The following ZNF528 variants were observed in gnomAD, a reference collection of about 807,000 sequenced individuals.
ZNF528 encodes zinc finger protein 528.
Under a neutral mutation model 13.3 loss-of-function variants are expected in ZNF528, and 9 were observed. The observed-to-expected ratio is 0.67, with a 90% CI of 0.41 to 1.18. The LOEUF (loss-of-function observed/expected upper bound fraction) is 1.18, where lower values mean the gene tolerates loss of function less well. Ranked by LOEUF, ZNF528 falls within the 50% of genes most tolerant of loss-of-function variation. The pLI is 0.01. For synonymous variants in ZNF528, 264 were observed against 254.3 expected, an observed-to-expected ratio of 1.04 and a Z score of -0.36; for missense variants, 858 against 745.4, an observed-to-expected ratio of 1.15 and a Z score of -1.76.
At chr19:52,408,817 T>G (rs753751280) in intron 6 of ZNF528, among the ~76,000 whole-genome samples, 1 of 152,184 alleles carries the variant, frequency 6.6e-6, no homozygotes, top group Non-Finnish European at 1.5e-5. Context: ...TCCACCCACC[T>G]CAGCCTCCCA....
chr19:52,415,320 A>C lies in ZNF528; in HGVS notation c.468A>C (p.Lys156Asn). The C allele has an allele frequency of 6.2e-7, 1 of 1,612,464 alleles. No individual in the cohort carries two copies. The highest frequency in any genetic ancestry group is 8.5e-7 in the Non-Finnish European group (1 of 1,179,574). Residue 156 changes from lysine (K) to asparagine (N), a missense_variant, in exon 7 of 7, where the codon AAA becomes AAC. By Grantham distance (94) the Lys-to-Asn change is moderately conservative. Coordinates refer to ENST00000360465, the MANE Select transcript of ZNF528 (RefSeq NM_032423.3). ...TTGAAAAAATTTCTTCCAGTGTCAA[A>C]TCCCACCTTTTAAATAAATATAGAA... ...SPLEKISSSV[K>N]SHLLNKYRNN...
In ZNF528 at chr19:52,415,038, A is replaced by G. The variant is rs780729844; in HGVS notation, c.272-86A>G. ...TGATACTCCTACCAATGTCTGAGTC[A>G]GGTGAGGCAGAATCTAGACCCTCTG... On this transcript the variant is annotated intron_variant, in intron 6 of 6. Coordinates refer to ENST00000360465, the MANE Select transcript of ZNF528 (RefSeq NM_032423.3). 6 of 1,592,794 alleles carry G rather than the reference A, an allele frequency of 3.8e-6. No homozygotes were observed. In the Admixed American group the frequency reaches 7.0e-5, roughly 19 times the overall value.
Position 52,416,764 on chromosome 19 carries a change from A to T in ZNF528, c.*25A>T. 6.4e-7 allele frequency: 1 copy of T among 1,560,360 alleles called. No homozygotes were observed. The highest frequency in any genetic ancestry group is 1.2e-5 in the South Asian group (1 of 83,676). ...AGAGTCCCTACAAACTGTATGGCAA[A>T]ACCATCATCATGAGTTCTAGCATTA... On this transcript the variant is annotated 3_prime_UTR_variant, in exon 7 of 7. Transcript: ENST00000360465.
At position 52,401,585 on chromosome 19, in the gene ZNF528, C is replaced by T. The variant is rs377291820; in HGVS notation, c.-136-100C>T. The T allele has an allele frequency of 9.1e-5, 92 of 1,011,226 alleles. No individual in the cohort carries two copies. The East Asian group carries it at 2.7e-3, about 30-fold the overall frequency. 62.6% of individuals were successfully genotyped at this position (1,011,226 alleles called of 1,614,324 possible). A position where few individuals can be genotyped will look rare whatever the true frequency, so the allele number is the denominator to read the frequency against. Reference sequence around the variant, plus strand: ...ACAGCCCCCTTTCCTTTTCTGAGAGCGTTTTGTATTTTTAAAATAAGTGCT... The same window carrying T: ...ACAGCCCCCTTTCCTTTTCTGAGAGTGTTTTGTATTTTTAAAATAAGTGCT... On this transcript the variant is annotated intron_variant, in intron 2 of 6. Transcript: ENST00000360465.
intron 6 of ZNF528, chr19:52,414,730 T>A (rs111409286): frequency 3.1e-5 from 12 of 385,148 alleles, no homozygotes; most frequent in African/African-American, 2.3e-4. Flanking sequence ...TTCAGCTTCC[T>A]ACATGTGGGA....
rs377378031 is a variant in ZNF528 at position 52,415,441 on chromosome 19, G to A, written c.589G>A (p.Ala197Thr). Residue 197 changes from alanine (A) to threonine (T), a missense_variant, in exon 7 of 7, where the codon GCA becomes ACA. Ala to Thr is a moderately conservative substitution (Grantham distance 58). Transcript: ENST00000360465. ...KCNEHGQVFR[A>T]SASLTNQVIH... ...TAATGAGCACGGCCAAGTCTTTAGA[G>A]CATCTGCAAGCCTTACTAACCAAGT... is the stretch of plus-strand genomic sequence containing the variant. The A allele has an allele frequency of 9.7e-5, 156 of 1,614,060 alleles. No individual in the cohort carries two copies. Among genetic ancestry groups the A allele is most frequent in the Non-Finnish European group, 1.3e-4 (151 of 1,180,046 alleles).
At chr19:52,405,079 T>C (rs759999119) in intron 4 of ZNF528, among the ~76,000 whole-genome samples, 1 of 151,808 alleles carries the variant, frequency 6.6e-6, no homozygotes, top group African/African-American at 2.4e-5. Flanking sequence ...TAGCTGGTCG[T>C]GGTGGCAGGC....
intron 4 of ZNF528, among the ~76,000 whole-genome samples, chr19:52,403,433 C>T (rs1054689871): frequency 6.6e-6 from 1 of 151,948 alleles, no homozygotes; most frequent in African/African-American, 2.4e-5. Context: ...TGGGCCAAGG[C>T]GGGCAGATGA....
chr19:52,414,790 C>A, intron 6 of ZNF528: 1 of 466,514 alleles, frequency 2.1e-6, no homozygotes, highest in Non-Finnish European at 3.8e-6. Context: ...GTGGAAGTAC[C>A]ATTATTAATG....
intron 4 of ZNF528, chr19:52,402,345 C>T (rs542416451): frequency 3.1e-5 from 15 of 482,226 alleles, no homozygotes; most frequent in African/African-American, 2.3e-4. Flanking sequence ...TCTGGATGCA[C>T]TGTCAGTGTT....
In ZNF528 at chr19:52,416,122, C is replaced by T. The variant is rs1386696283; in HGVS notation, c.1270C>T (p.Leu424Phe). The change falls in exon 7 of 7, where the codon CTT becomes TTT. Residue 424 changes from leucine to phenylalanine, a missense_variant. By Grantham distance (22) the Leu-to-Phe change is conservative. Coordinates refer to ENST00000360465, the MANE Select transcript of ZNF528 (RefSeq NM_032423.3). ...CAAGATCTTTAGTCAGAAATCAGACCTTATACGACATCGAAAAACTCATAC... is the reference window on the plus strand; with the variant it reads ...CAAGATCTTTAGTCAGAAATCAGACTTTATACGACATCGAAAAACTCATAC... ...CGKIFSQKSD[L>F]IRHRKTHTDE... 2 of 1,613,864 alleles carry T rather than the reference C, an allele frequency of 1.2e-6. No homozygotes were observed. The highest frequency in any genetic ancestry group is 1.1e-5 in the South Asian group (1 of 91,080).
chr19:52,414,723 A>G (rs1409307511), intron 6 of ZNF528: 5 of 382,118 alleles, frequency 1.3e-5, no homozygotes, highest in South Asian at 4.4e-5. Context: ...TTGGGCCTTC[A>G]GCTTCCTACA....
intron 4 of ZNF528, among the ~76,000 whole-genome samples, chr19:52,403,917 C>T (rs2058825100): frequency 6.6e-6 from 1 of 151,978 alleles, no homozygotes; most frequent in East Asian, 1.9e-4. Context: ...GAGCTGATAG[C>T]TATAAGAATA....
At chr19:52,401,563 GC>G in intron 2 of ZNF528, 121 bp from the exon 3 acceptor site, 2 of 794,734 alleles carry the variant, frequency 2.5e-6, no homozygotes, top group South Asian at 3.2e-5. Context: ...CAACTACACA[GC>G]CCCCTTTCCT....
At chr19:52,411,807 CA>C (rs1453148521) in intron 6 of ZNF528, 1 of 152,104 alleles carries the variant, frequency 6.6e-6, no homozygotes, top group Non-Finnish European at 1.5e-5. Flanking sequence ...CCTGGGTTAC[CA>C]AAGTTTTCAT....
intron 6 of ZNF528, among the ~76,000 whole-genome samples, chr19:52,407,419 C>T (rs1358229484): frequency 1.3e-5 from 2 of 152,022 alleles, no homozygotes; most frequent in Admixed American, 1.3e-4. Flanking sequence ...GGATTATAGG[C>T]ATAAGCCACA....
chr19:52,415,241 C>G lies in ZNF528; in HGVS notation c.389C>G (p.Ser130Cys), dbSNP rs1423619441. ...LQLFQAERKI[S>C]GCKHFEKPVS... ...CTATTTCAAGCTGAAAGGAAAATTT[C>G]TGGGTGTAAGCATTTTGAAAAACCC... The change falls in exon 7 of 7, where the codon TCT becomes TGT. Residue 130 changes from serine (S) to cysteine (C), a missense_variant. Physicochemically the swap from Ser to Cys is moderately radical, Grantham distance 112. Transcript: ENST00000360465. 6.2e-7 allele frequency: 1 copy of G among 1,614,080 alleles called. No individual in the cohort carries two copies. The highest frequency in any genetic ancestry group is 8.5e-7 in the Non-Finnish European group (1 of 1,180,016).
At chr19:52,413,988 T>C in intron 6 of ZNF528, 1 of 504,030 alleles carries the variant, frequency 2.0e-6, no homozygotes, top group Non-Finnish European at 3.6e-6. Flanking sequence ...TTAACCTGAG[T>C]TCCAGGCTGT....
chr19:52,402,617 G>A (rs931774675), intron 4 of ZNF528: 5 of 152,702 alleles, frequency 3.3e-5, no homozygotes, highest in African/African-American at 1.2e-4. Flanking sequence ...TGGCCAGGTT[G>A]ATCTTGAATG....
Sources: gnomAD v4.1 joint callset for allele counts (sites outside exome capture counted in the v4.1 genomes callset) on GRCh38, gnomAD v4.1.1 for gene constraint, MANE v1.5 for transcripts, NCBI Gene and HGNC (gene_info 2026-07-23, HGNC 2026-07-21) for gene names.